Variants in PTPN4 observed in about 807,000 individuals in gnomAD.
The protein encoded by PTPN4 is protein tyrosine phosphatase non-receptor type 4.
In PTPN4, 49 loss-of-function variants were observed where a neutral mutation model predicts 135.5. That is an observed-to-expected ratio of 0.36 (90% CI 0.29 to 0.46). The LOEUF is 0.46. PTPN4 is among the 20% of genes least tolerant of loss of function. The pLI, the probability that PTPN4 is intolerant of heterozygous loss-of-function variation, is 1.00. For missense variants in PTPN4, 860 were observed against 1,101.0 expected (o/e 0.78, Z 3.10); for synonymous variants, 333 against 369.9 (o/e 0.90, Z 1.14).
At chr2:119,840,538 G>A (rs555393042) in intron 2 of PTPN4, among the ~76,000 whole-genome samples, 1 of 152,270 alleles carries the variant, frequency 6.6e-6, no homozygotes, top group East Asian at 1.9e-4. Context: ...GAATAGTACT[G>A]TGATGAACAT....
At chr2:119,859,110 T>C (rs1337317891) in intron 2 of PTPN4, among the ~76,000 whole-genome samples, 4 of 152,222 alleles carry the variant, frequency 2.6e-5, no homozygotes, top group Non-Finnish European at 4.4e-5. Context: ...TCTATTACTT[T>C]GCTGAAATAA....
intron 2 of PTPN4, among the ~76,000 whole-genome samples, chr2:119,829,210 T>C (rs979275181): frequency 2.0e-5 from 3 of 151,994 alleles, no homozygotes; most frequent in Admixed American, 2.0e-4. Flanking sequence ...ACTTTGTGTG[T>C]TTTTTTTGAA....
At chr2:119,825,234 A>G (rs1677129725) in intron 2 of PTPN4, among the ~76,000 whole-genome samples, 1 of 152,080 alleles carries the variant, frequency 6.6e-6, no homozygotes, top group African/African-American at 2.4e-5. Flanking sequence ...GCTTTTTTTT[A>G]TATATCCAGA....
rs146788648 is a variant in PTPN4, at chr2:119,814,992, G to A, written c.138+5001G>A. 3.3e-3 allele frequency among the ~76,000 whole-genome samples: 500 copies of A among 151,912 alleles called. 2 individuals are homozygous for A. Among genetic ancestry groups the A allele is most frequent in the African/African-American group, 0.011 (473 of 41,468 alleles). Reference sequence around the variant, plus strand: ...TAAACACTAGAAAATTATTTTATCAGTCAAATTTAGAGTTGAGCACAATTA... The same window carrying A: ...TAAACACTAGAAAATTATTTTATCAATCAAATTTAGAGTTGAGCACAATTA... On this transcript the variant is annotated intron_variant, in intron 2 of 26. Transcript: ENST00000263708.
chr2:119,922,708 A>T (rs1678756459), intron 12 of PTPN4, among the ~76,000 whole-genome samples: 1 of 152,226 alleles, frequency 6.6e-6, no homozygotes, highest in Admixed American at 6.5e-5. Context: ...GTGTTGAGAA[A>T]GTTCCATTTT....
intron 1 of PTPN4, among the ~76,000 whole-genome samples, chr2:119,782,682 C>A (rs988202876): frequency 6.6e-6 from 1 of 150,592 alleles, no homozygotes; most frequent in Non-Finnish European, 1.5e-5. Flanking sequence ...AAGAAAGACC[C>A]CTGTGTTAGG....
intron 2 of PTPN4, among the ~76,000 whole-genome samples, chr2:119,856,967 G>A (rs920632524): frequency 1.3e-5 from 2 of 152,088 alleles, no homozygotes; most frequent in Admixed American, 1.3e-4. Flanking sequence ...AGGTAGACAC[G>A]GCAAAAAGTA....
intron 22 of PTPN4, among the ~76,000 whole-genome samples, chr2:119,958,534 C>T (rs900829672): frequency 8.5e-5 from 13 of 152,108 alleles, no homozygotes; most frequent in Admixed American, 3.3e-4. Context: ...AAATACTAAC[C>T]TCCAAATTAT....
At chr2:119,910,911 C>T (rs974424717) in intron 10 of PTPN4, among the ~76,000 whole-genome samples, 1 of 152,016 alleles carries the variant, frequency 6.6e-6, no homozygotes, top group African/African-American at 2.4e-5. Flanking sequence ...AATACAAGTA[C>T]CATTAATAAA....
chr2:119,940,636 A>T (rs1390976491), intron 15 of PTPN4, among the ~76,000 whole-genome samples: 4 of 152,096 alleles, frequency 2.6e-5, no homozygotes, highest in African/African-American at 4.8e-5. Context: ...TTTTAAAAAA[A>T]TTTTTTGTAG....
intron 13 of PTPN4, among the ~76,000 whole-genome samples, chr2:119,931,433 C>CTTTTTTTTT (rs1158907026): frequency 1.0e-3 from 85 of 83,340 alleles, no homozygotes; most frequent in Non-Finnish European, 1.3e-3. Context: ...TTCTTTCTTT[C>CTTTTTTTTT]TTTTTTTTTT....
At chr2:119,823,480 G>A (rs540234503) in intron 2 of PTPN4, among the ~76,000 whole-genome samples, 55 of 152,174 alleles carry the variant, frequency 3.6e-4, no homozygotes, top group Admixed American at 2.4e-3. Flanking sequence ...TGATCCACCC[G>A]CCTCGGCCTC....
chr2:119,926,646 T>C lies in PTPN4; in HGVS notation c.1050T>C (p.Asn350=). 3 of 1,605,180 alleles carry C rather than the reference T, an allele frequency of 1.9e-6. No homozygotes were observed. The highest frequency in any genetic ancestry group is 2.6e-6 in the Non-Finnish European group (3 of 1,174,316). The change falls in exon 13 of 27, where the codon AAT becomes AAC. Residue 350 remains asparagine, a synonymous_variant. Coordinates refer to ENST00000263708, the MANE Select transcript of PTPN4 (RefSeq NM_002830.4). ...TTCAGTATGGCAAAGAAAAGGCAAA[T>C]AAAGACAGGGTATTTGCAAGGTAAG... The part of the protein sequence containing the change: ...QSVQYGKEKA[N]KDRVFARSPS...
chr2:119,797,169 G>A (rs1256658256), intron 1 of PTPN4, among the ~76,000 whole-genome samples: 1 of 151,972 alleles, frequency 6.6e-6, no homozygotes, highest in Non-Finnish European at 1.5e-5. Context: ...TCTTAACAGT[G>A]CCTTTTGAAC....
intron 2 of PTPN4, among the ~76,000 whole-genome samples, chr2:119,816,986 T>A (rs1295047541): frequency 6.6e-6 from 1 of 152,216 alleles, no homozygotes; most frequent in Non-Finnish European, 1.5e-5. Context: ...CACAGATCCA[T>A]GTAATGCTCG....
At chr2:119,816,389 A>C (rs1676987167) in intron 2 of PTPN4, among the ~76,000 whole-genome samples, 1 of 152,138 alleles carries the variant, frequency 6.6e-6, no homozygotes, top group Non-Finnish European at 1.5e-5. Flanking sequence ...TTGTCTCTGA[A>C]AAATAAATCA....
intron 2 of PTPN4, among the ~76,000 whole-genome samples, chr2:119,855,903 C>G (rs1677669921): frequency 6.6e-6 from 1 of 152,018 alleles, no homozygotes; most frequent in South Asian, 2.1e-4. Flanking sequence ...CTCCTGGGTT[C>G]ACACCATTCT....
intron 1 of PTPN4, among the ~76,000 whole-genome samples, chr2:119,777,873 C>G (rs1001769802): frequency 9.9e-5 from 15 of 151,904 alleles, no homozygotes; most frequent in Non-Finnish European, 2.2e-4. Flanking sequence ...CCAGGCTGAT[C>G]TTGGACTCCT....
chr2:119,824,888 A>C (rs1677124731), intron 2 of PTPN4, among the ~76,000 whole-genome samples: 1 of 152,108 alleles, frequency 6.6e-6, no homozygotes, highest in African/African-American at 2.4e-5. Context: ...GGGTTTCACC[A>C]TGTTGGCCAG....
Sources: allele counts gnomAD v4.1 joint callset (sites outside exome capture counted in the v4.1 genomes callset), GRCh38; gene constraint gnomAD v4.1.1; transcripts MANE v1.5; gene names NCBI Gene and HGNC (gene_info 2026-07-23, HGNC 2026-07-21).